ALDH3B2: variants seen among roughly 807,000 people sequenced by gnomAD.
ALDH3B2 encodes the protein aldehyde dehydrogenase family 3 member B2.
A neutral mutation model predicts 36.7 loss-of-function variants in ALDH3B2; 45 were observed. The ratio of observed to expected loss-of-function variants is 1.23; its 90% CI spans 0.97 to 1.57. The LOEUF is 1.57. Among genes scored for constraint, ALDH3B2 ranks in the 40% most tolerant of loss-of-function variants. ALDH3B2 has a pLI of 0.00. For missense variants in ALDH3B2, 464 were observed against 513.3 expected, an observed-to-expected ratio of 0.90 and a Z score of 0.93; for synonymous variants, 217 against 226.5, an observed-to-expected ratio of 0.96 and a Z score of 0.38.
At chr11:67,674,535 C>T in exon 1 of ALDH3B2, 1 of 159,770 alleles carries the variant, frequency 6.3e-6, no homozygotes, top group Non-Finnish European at 1.4e-5. Context: ...ACCCCCAGGC[C>T]TCAGCCCTGC....
exon 10 of ALDH3B2, chr11:67,662,404 C>T (rs1855769175): frequency 6.6e-6 from 1 of 152,252 alleles, no homozygotes; most frequent in Non-Finnish European, 1.5e-5. Flanking sequence ...TGGAATACTA[C>T]AGTCTTGAGG....
intron 1 of ALDH3B2, among the ~76,000 whole-genome samples, chr11:67,673,961 G>A (rs1856203894): frequency 6.6e-6 from 1 of 152,176 alleles, no homozygotes; most frequent in Non-Finnish European, 1.5e-5. Context: ...AACAAGCAAT[G>A]CATGTTGCTT....
intron 1 of ALDH3B2, among the ~76,000 whole-genome samples, chr11:67,672,663 CA>C (rs1270037030): frequency 6.6e-6 from 1 of 151,378 alleles, no homozygotes; most frequent in Non-Finnish European, 1.5e-5. Flanking sequence ...GATCTCGGCT[CA>C]CTGCAACCTC....
rs899401975 is a variant in ALDH3B2, at chr11:67,666,800, C to T, written c.30+106G>A. 57 of 1,608,636 alleles carry T rather than the reference C, an allele frequency of 3.5e-5. No individual in the cohort carries two copies. In the East Asian group the frequency reaches 9.6e-4, roughly 27 times the overall value. ...CTGTGCGATGGAATCCCAGGAGAGACGAGAAAATCAGTGACTCGCCCGGGG... is the reference window on the plus strand; with the variant it reads ...CTGTGCGATGGAATCCCAGGAGAGATGAGAAAATCAGTGACTCGCCCGGGG... On this transcript the variant is annotated intron_variant, in intron 3 of 9. Transcript: ENST00000349015.
At chr11:67,662,968 AG>A in exon 10 of ALDH3B2, 1 of 508,018 alleles carries the variant, frequency 2.0e-6, no homozygotes, top group Non-Finnish European at 3.5e-6. Context: ...GGAATTGGGG[AG>A]GGTGGGGTGA....
chr11:67,665,579 C>T lies in ALDH3B2; in HGVS notation c.412G>A (p.Val138Met), dbSNP rs140738572. Residue 138 changes from valine to methionine, a missense_variant, in exon 7 of 10, where the codon GTG becomes ATG. Transcript: ENST00000349015. The stretch of plus-strand genomic sequence containing the variant: ...GTCTGGGGGTCGCAGTTGTCGTCCA[C>T]GTAGCAGGGGTTCTTGCCCCCCAGC... 2.8e-5 allele frequency: 45 copies of T among 1,613,984 alleles called. No individual in the cohort carries two copies. Among genetic ancestry groups the T allele is most frequent in the African/African-American group, 1.7e-4 (13 of 74,900 alleles).
Position 67,670,365 on chromosome 11 carries a change from G to A in ALDH3B2, c.-244-2730C>T, listed in dbSNP as rs547023873. On this transcript the variant is annotated intron_variant, in intron 1 of 9. Transcript: ENST00000349015. ...ATGGGTGTCTGTGTCCATGTGTGTC[G>A]TGTGTGTGTCTGCGTGTGGACTTGA... is the stretch of plus-strand genomic sequence containing the variant. Among the ~76,000 whole-genome samples, 31 of 151,946 alleles carry A rather than the reference G, an allele frequency of 2.0e-4. No individual in the cohort carries two copies. The South Asian group carries it at 2.5e-3, about 12-fold the overall frequency.
chr11:67,672,205 T>G (rs1293020455), intron 1 of ALDH3B2, among the ~76,000 whole-genome samples: 1 of 147,390 alleles, frequency 6.8e-6, no homozygotes, highest in African/African-American at 2.5e-5. Flanking sequence ...CAGAGTGCAG[T>G]GGTGGGATCT....
chr11:67,670,312 G>A (rs1856072055), intron 1 of ALDH3B2, among the ~76,000 whole-genome samples: 1 of 151,326 alleles, frequency 6.6e-6, no homozygotes, highest in Non-Finnish European at 1.5e-5. Context: ...GCGTATGGGT[G>A]TGTGTGTCCA....
chr11:67,675,118 G>A (rs1856238064), upstream of ALDH3B2, among the ~76,000 whole-genome samples: 2 of 152,186 alleles, frequency 1.3e-5, no homozygotes, highest in Non-Finnish European at 2.9e-5. Context: ...GGCATACTCA[G>A]GGCAGAGGAA....
Position 67,663,409 on chromosome 11 carries a change from C to T in ALDH3B2, c.974-10G>A. 6.2e-7 allele frequency: 1 copy of T among 1,604,998 alleles called. No individual in the cohort carries two copies. Among genetic ancestry groups the T allele is most frequent in the African/African-American group, 1.3e-5 (1 of 75,004 alleles). On this transcript the variant is annotated splice_polypyrimidine_tract_variant and intron_variant, in intron 9 of 9. Coordinates refer to ENST00000349015, the Ensembl canonical transcript of ALDH3B2. ...CCCATCCCACTGTGGCCTGTGTGGG[C>T]ACAGAGAACAAGGGCCTGAGACCAG...
upstream of ALDH3B2, among the ~76,000 whole-genome samples, chr11:67,678,614 T>A (rs1856311448): frequency 6.6e-6 from 1 of 151,004 alleles, no homozygotes; most frequent in Non-Finnish European, 1.5e-5. Context: ...CACACAGTAC[T>A]GTGTATATAT....
chr11:67,663,792 C>G, intron 8 of ALDH3B2, 31 bp from the exon 9 acceptor site: 1 of 1,583,692 alleles, frequency 6.3e-7, no homozygotes, highest in Non-Finnish European at 8.6e-7. Flanking sequence ...GGGTGTTGGG[C>G]TCTAGTCATG....
intron 1 of ALDH3B2, chr11:67,671,118 A>G (rs1856097879): frequency 6.6e-6 from 1 of 152,498 alleles, no homozygotes; most frequent in Non-Finnish European, 1.5e-5. Flanking sequence ...GCCTGAATCA[A>G]GACCCGGATT....
At chr11:67,665,210 C>T (rs1203101406) in intron 7 of ALDH3B2, 75 bp downstream of exon 7, 23 of 1,525,676 alleles carry the variant, frequency 1.5e-5, no homozygotes, top group Non-Finnish European at 1.8e-5. Flanking sequence ...AGTCCAGACT[C>T]GTGGCCCAGC....
In ALDH3B2 at chr11:67,663,765, C is replaced by T. The variant is rs770256337; in HGVS notation, c.874-4G>A. ...GCTCCAGCATCTGGTTCACAACCTG[C>T]CAGGGAGTGAGAAGGTGGGTGTTGG... On this transcript the variant is annotated splice_polypyrimidine_tract_variant and splice_region_variant and intron_variant, in intron 8 of 9. Transcript: ENST00000349015. The T allele has an allele frequency of 6.2e-7, 1 of 1,608,284 alleles. No homozygotes were observed. Among genetic ancestry groups the T allele is most frequent in the South Asian group, 1.1e-5 (1 of 90,682 alleles).
intron 1 of ALDH3B2, among the ~76,000 whole-genome samples, chr11:67,672,151 T>A (rs1362783990): frequency 2.2e-5 from 3 of 135,588 alleles, no homozygotes; most frequent in Admixed American, 7.4e-5. Flanking sequence ...TATATGTATT[T>A]TTTTTTTTTT....
chr11:67,667,538 G>A, exon 2 of ALDH3B2: 1 of 386,792 alleles, frequency 2.6e-6, no homozygotes, highest in South Asian at 7.1e-5. Flanking sequence ...AAGTGGCCCA[G>A]GCCCTGGAGC....
chr11:67,676,546 A>G (rs1250916653), upstream of ALDH3B2, among the ~76,000 whole-genome samples: 1 of 151,918 alleles, frequency 6.6e-6, no homozygotes, highest in Non-Finnish European at 1.5e-5. Flanking sequence ...CTCAAGGAAC[A>G]GAGGAACGAG....
Sources: gnomAD v4.1 joint callset for allele counts (sites outside exome capture counted in the v4.1 genomes callset) on GRCh38, gnomAD v4.1.1 for gene constraint, MANE v1.5 for transcripts, NCBI Gene and HGNC (gene_info 2026-07-23, HGNC 2026-07-21) for gene names.